Variants in ELMO1 observed in about 807,000 individuals in gnomAD.
ELMO1 encodes engulfment and cell motility 1, also known as engulfment and cell motility protein 1.
ELMO1 carries 26 observed loss-of-function variants against 98.9 expected under a neutral mutation model. That is an observed-to-expected ratio of 0.26 (90% CI 0.19 to 0.36). ELMO1 has a LOEUF of 0.36. Among genes scored for constraint, ELMO1 ranks in the 10% least tolerant of loss-of-function variants. The pLI, the probability that ELMO1 is intolerant of heterozygous loss-of-function variation, is 1.00. For synonymous variants in ELMO1, 346 were observed against 346.0 expected (o/e 1.00, Z 0.00); for missense variants, 627 against 935.2 (o/e 0.67, Z 4.30).
At chr7:37,100,823 A>G (rs1784598520) in intron 14 of ELMO1, among the ~76,000 whole-genome samples, 1 of 152,246 alleles carries the variant, frequency 6.6e-6, no homozygotes, top group Admixed American at 6.5e-5. Context: ...CAAAGCAGCT[A>G]TGAGAAGCAC....
intron 16 of ELMO1, among the ~76,000 whole-genome samples, chr7:36,917,819 T>C (rs1273828296): frequency 6.6e-6 from 1 of 152,210 alleles, no homozygotes; most frequent in Non-Finnish European, 1.5e-5. Context: ...TTCTCTGTGG[T>C]AGCAGGGAGC....
rs1802162049 is a variant in ELMO1, at chr7:36,855,875, C to T, written c.1984-124G>A. 19 of 1,086,056 alleles carry T rather than the reference C, an allele frequency of 1.7e-5. No individual in the cohort carries two copies. The South Asian group carries it at 2.1e-4, about 12-fold the overall frequency. The allele number at this position is 1,086,056 out of a possible 1,614,324, so 67.3% of individuals were successfully genotyped here. ...TGTGCGCTAAGGGCTCTGCCTACTT[C>T]GTCATTTCATATTTGGCGACATCTC... On this transcript the variant is annotated intron_variant, in intron 21 of 21. Coordinates refer to ENST00000310758, the MANE Select transcript of ELMO1 (RefSeq NM_014800.11). This position sits in a 1 kb window ranked among gnomAD's most constrained non-coding sequence, Gnocchi z 4.2.
chr7:37,362,084 G>A (rs1484960312), intron 1 of ELMO1, among the ~76,000 whole-genome samples: 3 of 152,036 alleles, frequency 2.0e-5, no homozygotes, highest in African/African-American at 7.2e-5. Flanking sequence ...GTAGCATGAA[G>A]AAAATAAAAA....
At chr7:37,359,437 T>G (rs1801614513) in intron 1 of ELMO1, among the ~76,000 whole-genome samples, 1 of 152,204 alleles carries the variant, frequency 6.6e-6, no homozygotes, top group Admixed American at 6.5e-5. Context: ...GTCAACAATT[T>G]CTTAGGATGA....
chr7:37,163,692 A>AT (rs1789404119), intron 13 of ELMO1, among the ~76,000 whole-genome samples: 1 of 152,220 alleles, frequency 6.6e-6, no homozygotes, highest in Non-Finnish European at 1.5e-5. Flanking sequence ...GCTGCATAGT[A>AT]TTCCATGGTG....
chr7:36,926,521 C>T (rs1785590921), intron 16 of ELMO1, among the ~76,000 whole-genome samples: 1 of 152,126 alleles, frequency 6.6e-6, no homozygotes, highest in Admixed American at 6.5e-5. Context: ...GTTGGAGTCT[C>T]AGGTTTTACC....
At chr7:36,978,951 T>C (rs964885573) in intron 16 of ELMO1, among the ~76,000 whole-genome samples, 4 of 152,232 alleles carry the variant, frequency 2.6e-5, no homozygotes, top group Admixed American at 2.6e-4. Flanking sequence ...AACATTTCTA[T>C]GTACCAGGTA....
intron 14 of ELMO1, among the ~76,000 whole-genome samples, chr7:37,113,051 G>A (rs1316391312): frequency 6.6e-6 from 1 of 152,234 alleles, no homozygotes; most frequent in African/African-American, 2.4e-5. Flanking sequence ...CCATTTTGGG[G>A]CATACCGATA....
chr7:37,170,414 C>A lies in ELMO1; in HGVS notation c.1087-37180G>T, dbSNP rs186239544. ...TGAGATATACCAGAGCAGTTACTAA[C>A]CCTAGGCACCAAATGGTGGTTGGAA... On this transcript the variant is annotated intron_variant, in intron 13 of 21. Coordinates refer to ENST00000310758, the MANE Select transcript of ELMO1 (RefSeq NM_014800.11). Among the ~76,000 whole-genome samples the A allele has an allele frequency of 2.6e-5, 4 of 152,276 alleles. No individual in the cohort carries two copies. The East Asian group carries it at 7.7e-4, about 29-fold the overall frequency.
chr7:36,872,594 C>T (rs1803619356), intron 19 of ELMO1, among the ~76,000 whole-genome samples: 1 of 152,272 alleles, frequency 6.6e-6, no homozygotes. Flanking sequence ...GATTCCTGAA[C>T]CTACCTTTGA....
chr7:37,181,946 A>C (rs1790888320), intron 13 of ELMO1, among the ~76,000 whole-genome samples: 1 of 152,218 alleles, frequency 6.6e-6, no homozygotes, highest in African/African-American at 2.4e-5. Context: ...CCTGCTTAGA[A>C]AGTACCAAAT....
At chr7:37,422,835 T>G (rs1211034899) in intron 1 of ELMO1, among the ~76,000 whole-genome samples, 1 of 152,218 alleles carries the variant, frequency 6.6e-6, no homozygotes, top group Non-Finnish European at 1.5e-5. Context: ...TCAGACTCTC[T>G]GGGCTTGGGG....
At chr7:37,237,339 G>C (rs1482898456) in intron 7 of ELMO1, among the ~76,000 whole-genome samples, 2 of 152,110 alleles carry the variant, frequency 1.3e-5, no homozygotes, top group Non-Finnish European at 2.9e-5. Flanking sequence ...GCCCAGGCTG[G>C]AGTGCAGTAG....
At chr7:37,397,415 TG>T (rs1362116707) in intron 1 of ELMO1, among the ~76,000 whole-genome samples, 1 of 152,210 alleles carries the variant, frequency 6.6e-6, no homozygotes, top group South Asian at 2.1e-4. Flanking sequence ...GGTAAAGGTA[TG>T]GGTCATAAAA....
intron 13 of ELMO1, among the ~76,000 whole-genome samples, chr7:37,134,875 C>T (rs1787163607): frequency 6.6e-6 from 1 of 152,086 alleles, no homozygotes; most frequent in Admixed American, 6.5e-5. Flanking sequence ...CACACATGGG[C>T]ATGGAGTGTG....
intron 13 of ELMO1, among the ~76,000 whole-genome samples, chr7:37,162,053 G>A (rs374422393): frequency 6.7e-6 from 1 of 149,406 alleles, no homozygotes; most frequent in Non-Finnish European, 1.5e-5. Context: ...ATTAATGGAA[G>A]AGGGAGAGAG....
At chr7:37,212,108 G>A (rs956930886) in intron 12 of ELMO1, among the ~76,000 whole-genome samples, 1 of 152,210 alleles carries the variant, frequency 6.6e-6, no homozygotes, top group African/African-American at 2.4e-5. Flanking sequence ...ATATTATGCT[G>A]AGTGAAATAA....
At chr7:37,000,446 G>A (rs1392327393) in intron 16 of ELMO1, among the ~76,000 whole-genome samples, 1 of 152,200 alleles carries the variant, frequency 6.6e-6, no homozygotes, top group Admixed American at 6.5e-5. Flanking sequence ...AGAGTTCTGG[G>A]GAGCTGATTG....
chr7:37,412,629 T>A (rs930332123), intron 1 of ELMO1, among the ~76,000 whole-genome samples: 1 of 152,086 alleles, frequency 6.6e-6, no homozygotes, highest in Admixed American at 6.5e-5. Flanking sequence ...TGGGTGCATA[T>A]CCTTGGATGC....
Sources: allele counts gnomAD v4.1 joint callset (sites outside exome capture counted in the v4.1 genomes callset), GRCh38; gene constraint gnomAD v4.1.1; non-coding constraint Gnocchi (gnomAD v3.1); transcripts MANE v1.5; gene names NCBI Gene and HGNC (gene_info 2026-07-23, HGNC 2026-07-21).